MYO5B: variants seen among roughly 807,000 people sequenced by gnomAD.
MYO5B encodes myosin VB.
Under a neutral mutation model 229.3 loss-of-function variants are expected in MYO5B, and 143 were observed. The observed-to-expected ratio is 0.62, with a 90% CI of 0.54 to 0.72. The LOEUF is 0.72. Among genes scored for constraint, MYO5B ranks in the 30% least tolerant of loss-of-function variants. The pLI is 0.00. For missense variants in MYO5B, 2,321 were observed against 2,331.0 expected, an observed-to-expected ratio of 1.00 and a Z score of 0.09; for synonymous variants, 918 against 885.2, an observed-to-expected ratio of 1.04 and a Z score of -0.66.
chr18:49,943,410 A>C (rs1464272977), intron 14 of MYO5B, among the ~76,000 whole-genome samples: 1 of 152,212 alleles, frequency 6.6e-6, no homozygotes. Context: ...CAAAGTCATA[A>C]ATATTGTCTT....
chr18:50,106,154 C>G (rs902891120), intron 1 of MYO5B, among the ~76,000 whole-genome samples: 1 of 152,088 alleles, frequency 6.6e-6, no homozygotes, highest in Non-Finnish European at 1.5e-5. Flanking sequence ...CCCTCTACCT[C>G]GTTAATTCAC....
intron 14 of MYO5B, among the ~76,000 whole-genome samples, chr18:49,943,301 A>G (rs1049004151): frequency 5.9e-5 from 9 of 151,840 alleles, no homozygotes; most frequent in African/African-American, 1.9e-4. Context: ...CACCAACATG[A>G]CACATGTATA....
intron 1 of MYO5B, among the ~76,000 whole-genome samples, chr18:50,188,031 A>G (rs920382758): frequency 6.6e-6 from 1 of 152,228 alleles, no homozygotes; most frequent in African/African-American, 2.4e-5. Flanking sequence ...CCTGGTTTCA[A>G]TAATTGCACT....
intron 1 of MYO5B, among the ~76,000 whole-genome samples, chr18:50,100,551 C>T (rs755385224): frequency 6.6e-6 from 1 of 152,138 alleles, no homozygotes; most frequent in Non-Finnish European, 1.5e-5. Context: ...CTACCACCCT[C>T]CCCACTTTCT....
At position 50,194,752 on chromosome 18, in the gene MYO5B, C is replaced by T; in HGVS notation, c.27+15G>A. On this transcript the variant is annotated intron_variant, in intron 1 of 39. Coordinates refer to ENST00000285039, the MANE Select transcript of MYO5B (RefSeq NM_001080467.3). ...CACCCCGGCCCCGGGGCGCCTCCCT[C>T]GCGGCCGCGCTCACCTGGCTGTAGA... 6.8e-7 allele frequency: 1 copy of T among 1,479,704 alleles called. No individual in the cohort carries two copies. The highest frequency in any genetic ancestry group is 1.5e-5 in the African/African-American group (1 of 68,762). 91.7% of individuals were successfully genotyped at this position (1,479,704 alleles called of 1,614,324 possible). A position where few individuals can be genotyped will look rare whatever the true frequency, so the allele number is the denominator to read the frequency against.
chr18:50,047,040 A>C (rs533303041), intron 2 of MYO5B, among the ~76,000 whole-genome samples: 1 of 152,338 alleles, frequency 6.6e-6, no homozygotes, highest in South Asian at 2.1e-4. Flanking sequence ...CAAGGACTTC[A>C]TGTCTAAAAC....
intron 2 of MYO5B, among the ~76,000 whole-genome samples, chr18:50,040,912 C>T (rs765690925): frequency 1.3e-5 from 2 of 152,128 alleles, no homozygotes; most frequent in Middle Eastern, 3.2e-3. Context: ...ATCTCAGATG[C>T]GAGGTGTTAT....
chr18:50,140,024 GA>G (rs74176754), intron 1 of MYO5B, among the ~76,000 whole-genome samples: 3 of 151,862 alleles, frequency 2.0e-5, no homozygotes, highest in Non-Finnish European at 4.4e-5. Flanking sequence ...AACCTAGGGG[GA>G]AAAAAACTTT....
chr18:49,894,030 G>T (rs953585117), intron 22 of MYO5B, among the ~76,000 whole-genome samples: 3 of 152,188 alleles, frequency 2.0e-5, no homozygotes, highest in Non-Finnish European at 4.4e-5. Flanking sequence ...GGGAACTAAG[G>T]CCAGTGAGGC....
chr18:49,929,079 T>C (rs1438868804), intron 17 of MYO5B, among the ~76,000 whole-genome samples: 1 of 152,180 alleles, frequency 6.6e-6, no homozygotes, highest in East Asian at 1.9e-4. Flanking sequence ...CTTATTCATG[T>C]AACCAAACAC....
At chr18:49,942,032 G>A (rs1390102118) in intron 14 of MYO5B, among the ~76,000 whole-genome samples, 1 of 105,372 alleles carries the variant, frequency 9.5e-6, no homozygotes, top group Non-Finnish European at 2.1e-5. Context: ...AAATAATGCT[G>A]CATATCTACA....
chr18:49,877,630 C>A, intron 25 of MYO5B, 133 bp downstream of exon 25: 1 of 1,187,302 alleles, frequency 8.4e-7, no homozygotes, highest in East Asian at 2.5e-5. Context: ...AGTGATCCTG[C>A]TCTTGAGAAT....
chr18:50,158,846 G>A (rs1353175892), intron 1 of MYO5B, among the ~76,000 whole-genome samples: 1 of 152,182 alleles, frequency 6.6e-6, no homozygotes, highest in Admixed American at 6.5e-5. Context: ...GAAAGCTGTT[G>A]AGCATCTGAT....
intron 1 of MYO5B, among the ~76,000 whole-genome samples, chr18:50,182,717 A>G (rs1028041138): frequency 1.3e-5 from 2 of 152,212 alleles, no homozygotes; most frequent in African/African-American, 4.8e-5. Flanking sequence ...TGGGCTTTCT[A>G]CTGGTTATGC....
At chr18:50,105,162 T>A (rs1480438826) in intron 1 of MYO5B, among the ~76,000 whole-genome samples, 1 of 150,538 alleles carries the variant, frequency 6.6e-6, no homozygotes, top group Non-Finnish European at 1.5e-5. Flanking sequence ...CCGGGACCAG[T>A]CACTAGCAGT....
chr18:49,913,119 C>T (rs1474988401), intron 17 of MYO5B, among the ~76,000 whole-genome samples: 1 of 152,140 alleles, frequency 6.6e-6, no homozygotes, highest in African/African-American at 2.4e-5. Flanking sequence ...TCCAGCAATT[C>T]ACATAATTAA....
chr18:50,040,173 G>T lies in MYO5B; in HGVS notation c.280C>A (p.Leu94Met). Reference protein sequence around the residue: ...AVLHNLKVRFLESNHIYTYCG... With the variant: ...AVLHNLKVRFMESNHIYTYCG... ...TAAGTGTAGATATGGTTGGACTCCA[G>T]GAAACGGACCTTCAAATTATGCAAA... The change falls in exon 3 of 40, where the codon CTG (leucine) becomes ATG (methionine). Residue 94 changes from leucine to methionine, a missense_variant. By Grantham distance (15) the Leu-to-Met change is conservative (BLOSUM62 2). Around this residue, in one of 2 missense-constraint regions of MYO5B, gnomAD observed 2,113 missense variants for 2,044.7 expected, o/e 1.03. Transcript: ENST00000285039. 6.2e-7 allele frequency: 1 copy of T among 1,613,296 alleles called. No homozygotes were observed. The highest frequency in any genetic ancestry group is 8.5e-7 in the Non-Finnish European group (1 of 1,179,752).
intron 4 of MYO5B, among the ~76,000 whole-genome samples, chr18:50,019,536 C>A (rs994899961): frequency 6.6e-6 from 1 of 152,266 alleles, no homozygotes; most frequent in Non-Finnish European, 1.5e-5. Flanking sequence ...AAAACAGTCA[C>A]TCACACAAAA....
At chr18:50,059,583 C>G (rs1458102023) in intron 1 of MYO5B, among the ~76,000 whole-genome samples, 1 of 152,146 alleles carries the variant, frequency 6.6e-6, no homozygotes, top group Non-Finnish European at 1.5e-5. Context: ...TGTGTCCAGT[C>G]AATCTCCACA....
Sources: allele counts gnomAD v4.1 joint callset (sites outside exome capture counted in the v4.1 genomes callset), GRCh38; gene constraint gnomAD v4.1.1; regional missense constraint gnomAD v4.1.1; transcripts MANE v1.5; gene names NCBI Gene and HGNC (gene_info 2026-07-23, HGNC 2026-07-21).